ZMIZ1: variants seen among roughly 807,000 people sequenced by gnomAD.
ZMIZ1 encodes zinc finger MIZ domain-containing protein 1.
ZMIZ1 carries 17 observed loss-of-function variants against 113.9 expected under a neutral mutation model. That is an observed-to-expected ratio of 0.15 (90% CI 0.10 to 0.22). The LOEUF is 0.22. Among genes scored for constraint, ZMIZ1 ranks in the 10% least tolerant of loss-of-function variants. ZMIZ1 has a pLI of 1.00. For synonymous variants in ZMIZ1, 607 were observed against 603.1 expected, an observed-to-expected ratio of 1.01 and a Z score of -0.09; for missense variants, 1,059 against 1,477.8, an observed-to-expected ratio of 0.72 and a Z score of 4.65.
At chr10:79,280,849 TCATCTGAACCAAGCC>T (rs1456911491) in intron 8 of ZMIZ1, among the ~76,000 whole-genome samples, 2 of 152,134 alleles carry the variant, frequency 1.3e-5, no homozygotes, top group Admixed American at 1.3e-4. Context: ...CAGTTTGTCT[TCATCTGAACCAAGCC>T]GCTGAGCACA....
intron 8 of ZMIZ1, chr10:79,285,431 C>T (rs772557020): frequency 2.2e-6 from 1 of 455,360 alleles, no homozygotes. Flanking sequence ...AAGGGAGGGG[C>T]TGAATCAGCC....
At position 79,289,819 on chromosome 10, in the gene ZMIZ1, C is replaced by T. The variant is rs1433864880; in HGVS notation, c.470C>T (p.Thr157Ile). The change falls in exon 9 of 25, where the codon ACC becomes ATC. Residue 157 changes from threonine (T) to isoleucine (I), a missense_variant. Coordinates refer to ENST00000334512, the MANE Select transcript of ZMIZ1 (RefSeq NM_020338.4). ...GACTCTGTCCCTTGGCAGCAGAACA[C>T]CAACCAGCCTCCCGGCTCCCTTTCC... ...PYDSVPWQQN[T>I]NQPPGSLSVV... The T allele has an allele frequency of 6.2e-7, 1 of 1,614,092 alleles. No homozygotes were observed. The highest frequency in any genetic ancestry group is 8.5e-7 in the Non-Finnish European group (1 of 1,179,938).
chr10:79,228,370 G>T (rs1849271366), intron 7 of ZMIZ1, among the ~76,000 whole-genome samples: 1 of 152,250 alleles, frequency 6.6e-6, no homozygotes, highest in Non-Finnish European at 1.5e-5. Context: ...AGTCTGAAGA[G>T]AAGAAGGAAG....
intron 4 of ZMIZ1, among the ~76,000 whole-genome samples, chr10:79,170,741 T>A (rs976305089): frequency 2.0e-5 from 3 of 152,144 alleles, no homozygotes; most frequent in African/African-American, 7.2e-5. Flanking sequence ...CCTCCCTGTC[T>A]TGTTACAGAT....
chr10:79,225,084 C>A (rs891889961), intron 7 of ZMIZ1, among the ~76,000 whole-genome samples: 1 of 152,058 alleles, frequency 6.6e-6, no homozygotes, highest in Non-Finnish European at 1.5e-5. Context: ...TGGATGAACC[C>A]TTGGCACTCG....
chr10:79,265,846 G>T (rs1484714360), intron 7 of ZMIZ1, among the ~76,000 whole-genome samples: 1 of 152,162 alleles, frequency 6.6e-6, no homozygotes, highest in Non-Finnish European at 1.5e-5. Flanking sequence ...GCAAGCATCG[G>T]CTGTTTGACC....
intron 1 of ZMIZ1, among the ~76,000 whole-genome samples, chr10:79,116,054 C>G (rs1015248777): frequency 6.6e-6 from 1 of 152,142 alleles, no homozygotes; most frequent in Non-Finnish European, 1.5e-5. Flanking sequence ...ATTTACTGGG[C>G]ATCATGGCTT....
chr10:79,133,182 TC>T (rs932498038), intron 2 of ZMIZ1, among the ~76,000 whole-genome samples: 1 of 152,182 alleles, frequency 6.6e-6, no homozygotes, highest in Non-Finnish European at 1.5e-5. Context: ...GTTTCCTACC[TC>T]CCTGCCTTTT....
At chr10:79,213,152 C>T (rs903186735) in intron 6 of ZMIZ1, among the ~76,000 whole-genome samples, 3 of 152,222 alleles carry the variant, frequency 2.0e-5, no homozygotes, top group Admixed American at 6.5e-5. Flanking sequence ...GGGGGCCTTG[C>T]ACCCTATAGG....
chr10:79,299,490 G>A (rs138455705), intron 16 of ZMIZ1, among the ~76,000 whole-genome samples: 43 of 152,354 alleles, frequency 2.8e-4, no homozygotes, highest in Non-Finnish European at 4.7e-4. Context: ...ATCTGAGACC[G>A]TGAGCTGACA....
At chr10:79,272,014 A>T (rs1851978366) in intron 7 of ZMIZ1, among the ~76,000 whole-genome samples, 2 of 152,332 alleles carry the variant, frequency 1.3e-5, no homozygotes, top group Middle Eastern at 3.4e-3. Context: ...TATGCCTGTA[A>T]TCCAAGTACT....
rs541745073 is a variant in ZMIZ1 at position 79,199,988 on chromosome 10, G to C, written c.-49-1596G>C. Reference sequence around the variant, plus strand: ...GCAGACACAACCTACACTTCCACCAGCTGCGAGGACTTGGCACATCTGGGG... The same window carrying C: ...GCAGACACAACCTACACTTCCACCACCTGCGAGGACTTGGCACATCTGGGG... On this transcript the variant is annotated intron_variant, in intron 4 of 24. Transcript: ENST00000334512. 2.0e-5 allele frequency among the ~76,000 whole-genome samples: 3 copies of C among 152,296 alleles called. No homozygotes were observed. The East Asian group carries it at 5.8e-4, about 29-fold the overall frequency.
chr10:79,103,047 G>T (rs886340478), intron 1 of ZMIZ1, among the ~76,000 whole-genome samples: 11 of 152,166 alleles, frequency 7.2e-5, no homozygotes, highest in Non-Finnish European at 1.6e-4. Flanking sequence ...AATGTCGAGC[G>T]ATGTGTTACG....
At chr10:79,071,300 C>A (rs550484824) in intron 1 of ZMIZ1, among the ~76,000 whole-genome samples, 1 of 152,332 alleles carries the variant, frequency 6.6e-6, no homozygotes, top group East Asian at 1.9e-4. Context: ...AGTGCCGACT[C>A]CTCCTCCCTG....
rs975325818 is a variant in ZMIZ1 at position 79,273,503 on chromosome 10, G to A, written c.281-3678G>A. On this transcript the variant is annotated intron_variant, in intron 7 of 24. Coordinates refer to ENST00000334512, the MANE Select transcript of ZMIZ1 (RefSeq NM_020338.4). Reference sequence around the variant, plus strand: ...CTCCCGAGTAGCTGAGATTAGAGGCGCTGGCTACCACACCTGGCTAATTTT... The same window carrying A: ...CTCCCGAGTAGCTGAGATTAGAGGCACTGGCTACCACACCTGGCTAATTTT... 3.3e-5 allele frequency among the ~76,000 whole-genome samples: 5 copies of A among 152,282 alleles called. No individual in the cohort carries two copies. The South Asian group carries it at 1.0e-3, about 32-fold the overall frequency.
intron 8 of ZMIZ1, among the ~76,000 whole-genome samples, chr10:79,280,194 G>T (rs146886528): frequency 6.6e-6 from 1 of 152,180 alleles, no homozygotes; most frequent in East Asian, 1.9e-4. Context: ...GCCCAGGCTG[G>T]TCTCGAACTC....
Position 79,296,702 on chromosome 10 carries a change from ACCTCACTCC to A in ZMIZ1, c.1413+53_1413+61del, listed in dbSNP as rs1337522338. Reference sequence around the variant, plus strand: ...CCACGGGGCCCCTTCCCTCCTAACCACCTCACTCCCCTAACTCCACCGGGATCACTCTGA... The same window carrying A: ...CCACGGGGCCCCTTCCCTCCTAACCACCTAACTCCACCGGGATCACTCTGA... On this transcript the variant is annotated intron_variant, in intron 13 of 24. Transcript: ENST00000334512. This position sits in a 1 kb window ranked among gnomAD's most constrained non-coding sequence, Gnocchi z 4.1. The A allele has an allele frequency of 1.5e-5, 22 of 1,476,130 alleles. No homozygotes were observed. The highest frequency in any genetic ancestry group is 2.0e-5 in the Non-Finnish European group (22 of 1,103,238). 91.4% of individuals were successfully genotyped at this position (1,476,130 alleles called of 1,614,324 possible).
chr10:79,237,307 G>C (rs1564541644), intron 7 of ZMIZ1, among the ~76,000 whole-genome samples: 1 of 152,240 alleles, frequency 6.6e-6, no homozygotes, highest in South Asian at 2.1e-4. Flanking sequence ...AACGGGGCCA[G>C]AGCAACATGA....
intron 2 of ZMIZ1, among the ~76,000 whole-genome samples, chr10:79,130,682 C>T (rs1421036669): frequency 6.6e-6 from 1 of 152,020 alleles, no homozygotes; most frequent in African/African-American, 2.4e-5. Flanking sequence ...ACTGACTAAC[C>T]GTGTGACCTT....
Sources: gnomAD v4.1 joint callset for allele counts (sites outside exome capture counted in the v4.1 genomes callset) on GRCh38, gnomAD v4.1.1 for gene constraint, Gnocchi (gnomAD v3.1) non-coding constraint, MANE v1.5 for transcripts, NCBI Gene and HGNC (gene_info 2026-07-23, HGNC 2026-07-21) for gene names.